HPSE2: variants seen among roughly 807,000 people sequenced by gnomAD.
The protein encoded by HPSE2 is heparanase 2 (inactive), also known as inactive heparanase-2.
Under a neutral mutation model 60.5 loss-of-function variants are expected in HPSE2, and 38 were observed. The ratio of observed to expected loss-of-function variants is 0.63; its 90% confidence interval spans 0.48 to 0.82. The LOEUF (loss-of-function observed/expected upper bound fraction) is 0.82, where lower values mean the gene tolerates loss of function less well. HPSE2 is among the 40% of genes least tolerant of loss of function. The pLI, the probability that HPSE2 is intolerant of heterozygous loss-of-function variation, is 0.00. For synonymous variants in HPSE2, 295 were observed against 293.2 expected (o/e 1.01, Z -0.06); for missense variants, 713 against 740.4 (o/e 0.96, Z 0.43).
At chr10:98,852,371 A>G (rs946412664) in intron 3 of HPSE2, among the ~76,000 whole-genome samples, 1 of 151,962 alleles carries the variant, frequency 6.6e-6, no homozygotes, top group African/African-American at 2.4e-5. Flanking sequence ...GAATTCTCTG[A>G]CCTACCTTGT....
chr10:98,942,833 A>T (rs2135160416), intron 3 of HPSE2, among the ~76,000 whole-genome samples: 1 of 152,168 alleles, frequency 6.6e-6, no homozygotes, highest in East Asian at 1.9e-4. Flanking sequence ...AACCAACCCA[A>T]GTGTCCAACA....
chr10:98,732,308 C>T (rs972900068), intron 4 of HPSE2, among the ~76,000 whole-genome samples: 42 of 152,206 alleles, frequency 2.8e-4, no homozygotes, highest in Admixed American at 2.7e-3. Flanking sequence ...GAAATTCAAA[C>T]ACCCAGGATA....
intron 3 of HPSE2, among the ~76,000 whole-genome samples, chr10:98,989,172 T>A (rs1320375660): frequency 6.6e-6 from 1 of 152,292 alleles, no homozygotes; most frequent in South Asian, 2.1e-4. Context: ...TTATAAATCA[T>A]GCTGCTATAA....
At chr10:98,949,644 T>A (rs967750808) in intron 3 of HPSE2, among the ~76,000 whole-genome samples, 2 of 152,172 alleles carry the variant, frequency 1.3e-5, no homozygotes, top group African/African-American at 2.4e-5. Context: ...TTTATATGGT[T>A]ATTGTTTGTC....
At chr10:99,208,245 A>T (rs943220940) in intron 2 of HPSE2, among the ~76,000 whole-genome samples, 22 of 152,188 alleles carry the variant, frequency 1.4e-4, no homozygotes, top group African/African-American at 2.4e-4. Context: ...AAATACTATT[A>T]AAAAAATCAC....
chr10:98,999,662 G>A (rs1956732504), intron 3 of HPSE2, among the ~76,000 whole-genome samples: 1 of 152,090 alleles, frequency 6.6e-6, no homozygotes, highest in Non-Finnish European at 1.5e-5. Context: ...TAGGTAGGCA[G>A]ACTAGACTCT....
chr10:98,935,080 T>G (rs1026606049), intron 3 of HPSE2, among the ~76,000 whole-genome samples: 1 of 141,700 alleles, frequency 7.1e-6, no homozygotes, highest in African/African-American at 2.9e-5. Flanking sequence ...GATCTGGCTA[T>G]TGATACTTCT....
At chr10:99,251,691 A>ATAAGCAAATCAAT in the HPSE2 span, among the ~76,000 whole-genome samples, 3 of 147,790 alleles carry the variant, frequency 2.0e-5, no homozygotes, top group African/African-American at 7.4e-5. Context: ...TTGGTTCAAC[A>ATAAGCAAATCAAT]TAAGCAAATC....
At chr10:98,510,114 C>G (rs1942339531) in intron 9 of HPSE2, among the ~76,000 whole-genome samples, 3 of 152,108 alleles carry the variant, frequency 2.0e-5, no homozygotes. Flanking sequence ...AAATTTAGTT[C>G]TGAAGTTTTT....
At chr10:99,098,669 C>T (rs908724338) in intron 3 of HPSE2, among the ~76,000 whole-genome samples, 4 of 152,102 alleles carry the variant, frequency 2.6e-5, no homozygotes, top group African/African-American at 9.7e-5. Context: ...AATATTGCTA[C>T]TTTATTTATT....
At chr10:98,949,424 C>A (rs1234655371) in intron 3 of HPSE2, among the ~76,000 whole-genome samples, 1 of 149,206 alleles carries the variant, frequency 6.7e-6, no homozygotes, top group Non-Finnish European at 1.5e-5. Flanking sequence ...TCTCTGGTGG[C>A]AAAGTTGTGT....
At chr10:99,077,762 T>A (rs1181315773) in intron 3 of HPSE2, among the ~76,000 whole-genome samples, 1 of 151,936 alleles carries the variant, frequency 6.6e-6, no homozygotes, top group African/African-American at 2.4e-5. Flanking sequence ...AATTTATCTA[T>A]GTTGAAATTT....
At chr10:99,182,420 A>G (rs1847812055) in intron 2 of HPSE2, among the ~76,000 whole-genome samples, 1 of 152,236 alleles carries the variant, frequency 6.6e-6, no homozygotes, top group African/African-American at 2.4e-5. Context: ...TTCCAGTTCT[A>G]TAACATTTCT....
intron 9 of HPSE2, among the ~76,000 whole-genome samples, chr10:98,602,056 T>G (rs12358140): frequency 6.6e-6 from 1 of 151,900 alleles, no homozygotes; most frequent in Non-Finnish European, 1.5e-5. Flanking sequence ...GGGATATAAG[T>G]ATTCCCAGGA....
intron 9 of HPSE2, among the ~76,000 whole-genome samples, chr10:98,492,458 C>T (rs897904750): frequency 6.8e-6 from 1 of 147,660 alleles, no homozygotes; most frequent in African/African-American, 2.5e-5. Flanking sequence ...GCCGAGATTG[C>T]GCCACTGCAC....
At chr10:98,893,415 C>T (rs1459905173) in intron 3 of HPSE2, among the ~76,000 whole-genome samples, 1 of 152,102 alleles carries the variant, frequency 6.6e-6, no homozygotes, top group East Asian at 1.9e-4. Context: ...CTAACTGGTA[C>T]ACAGTAACAA....
intron 3 of HPSE2, among the ~76,000 whole-genome samples, chr10:99,060,300 C>T (rs1028063092): frequency 1.3e-5 from 2 of 152,100 alleles, no homozygotes; most frequent in Non-Finnish European, 2.9e-5. Flanking sequence ...GAATCTTTCA[C>T]TGATTGTCCT....
intron 2 of HPSE2, among the ~76,000 whole-genome samples, chr10:99,192,535 A>G (rs941007107): frequency 6.6e-5 from 10 of 152,104 alleles, no homozygotes; most frequent in African/African-American, 2.4e-4. Context: ...CTCCCAGGCT[A>G]CTGTGATCCT....
chr10:98,863,457 T>A (rs1347673725), intron 3 of HPSE2, among the ~76,000 whole-genome samples: 3 of 152,124 alleles, frequency 2.0e-5, no homozygotes, highest in Non-Finnish European at 4.4e-5. Context: ...GATAGAAAAC[T>A]TGTCCTGTGA....
Sources: allele counts gnomAD v4.1 joint callset (sites outside exome capture counted in the v4.1 genomes callset), GRCh38; gene constraint gnomAD v4.1.1; transcripts MANE v1.5; gene names NCBI Gene and HGNC (gene_info 2026-07-23, HGNC 2026-07-21).